Variants in NLGN1 observed in about 807,000 individuals in gnomAD.
The protein encoded by NLGN1 is neuroligin-1.
A neutral mutation model predicts 65.5 loss-of-function variants in NLGN1; 12 were observed. The observed-to-expected ratio is 0.18, with a 90% CI of 0.12 to 0.30. NLGN1 has a LOEUF of 0.30. Ranked by LOEUF, NLGN1 falls within the 10% of genes least tolerant of loss-of-function variation. The pLI is 1.00. For synonymous variants in NLGN1, 350 were observed against 359.5 expected, an observed-to-expected ratio of 0.97 and a Z score of 0.30; for missense variants, 750 against 1,007.1, an observed-to-expected ratio of 0.74 and a Z score of 3.46.
At chr3:174,094,240 A>T (rs1252088957) in intron 4 of NLGN1, among the ~76,000 whole-genome samples, 1 of 152,196 alleles carries the variant, frequency 6.6e-6, no homozygotes, top group Non-Finnish European at 1.5e-5. Flanking sequence ...CCCCCAAAAT[A>T]GCACCGTATA....
At position 174,150,734 on chromosome 3, in the gene NLGN1, A is replaced by T. The variant is rs545243906; in HGVS notation, c.647-124581A>T. Among the ~76,000 whole-genome samples the T allele has an allele frequency of 3.9e-5, 6 of 152,182 alleles. No individual in the cohort carries two copies. The South Asian group carries it at 6.2e-4, about 16-fold the overall frequency. ...GGTAAATATTAGGAAGAAATGATAA[A>T]TCACTACTTCTATTTGGAGCAGGAA... On this transcript the variant is annotated intron_variant, in intron 4 of 6. Coordinates refer to ENST00000457714, the Ensembl canonical transcript of NLGN1.
chr3:173,596,576 G>C (rs1749524134), intron 2 of NLGN1, among the ~76,000 whole-genome samples: 1 of 152,192 alleles, frequency 6.6e-6, no homozygotes, highest in African/African-American at 2.4e-5. Flanking sequence ...AGATGATGCA[G>C]TTAGCTCAAT....
intron 4 of NLGN1, among the ~76,000 whole-genome samples, chr3:174,090,450 G>T (rs576570283): frequency 2.0e-5 from 3 of 152,062 alleles, no homozygotes; most frequent in African/African-American, 7.2e-5. Context: ...TCTAGCCTGG[G>T]GGACAGAGCG....
intron 3 of NLGN1, among the ~76,000 whole-genome samples, chr3:173,696,370 G>A (rs191270488): frequency 6.8e-4 from 104 of 152,178 alleles, no homozygotes; most frequent in African/African-American, 2.4e-3. Flanking sequence ...AAATGGCTAT[G>A]TTTTAGATCC....
At position 174,212,624 on chromosome 3, in the gene NLGN1, T is replaced by C. The variant is rs139691604; in HGVS notation, c.647-62691T>C. On this transcript the variant is annotated intron_variant, in intron 4 of 6. Transcript: ENST00000457714. Reference sequence around the variant, plus strand: ...ACCTAAGGATGCATCTCTCAGAATGTATCCCTGTCATTATCAACATACAGA... The same window carrying C: ...ACCTAAGGATGCATCTCTCAGAATGCATCCCTGTCATTATCAACATACAGA... Among the ~76,000 whole-genome samples, 848 of 152,374 alleles carry C rather than the reference T, an allele frequency of 5.6e-3. 7 individuals carry two copies. The highest frequency in any genetic ancestry group is 0.019 in the African/African-American group (787 of 41,596).
At chr3:173,539,752 A>AGC (rs1560407260) in intron 2 of NLGN1, among the ~76,000 whole-genome samples, 2 of 114,222 alleles carry the variant, frequency 1.8e-5, no homozygotes, top group East Asian at 2.0e-4. Context: ...GTACATATAT[A>AGC]ACATATACAT....
intron 4 of NLGN1, among the ~76,000 whole-genome samples, chr3:174,215,141 C>A (rs962749761): frequency 1.3e-5 from 2 of 151,946 alleles, no homozygotes; most frequent in Non-Finnish European, 2.9e-5. Flanking sequence ...GTTGGGTTAC[C>A]TAAACTTTGA....
intron 4 of NLGN1, among the ~76,000 whole-genome samples, chr3:173,822,454 A>G (rs181790129): frequency 9.7e-4 from 148 of 152,324 alleles, no homozygotes; most frequent in African/African-American, 3.4e-3. Flanking sequence ...TAGGTTGAAC[A>G]TTTCTAATCC....
At chr3:173,618,047 G>C (rs188586903) in intron 3 of NLGN1, among the ~76,000 whole-genome samples, 1 of 152,114 alleles carries the variant, frequency 6.6e-6, no homozygotes, top group South Asian at 2.1e-4. Flanking sequence ...TCTAAGAAGA[G>C]GTCGAATTGT....
intron 2 of NLGN1, among the ~76,000 whole-genome samples, chr3:173,514,899 G>C (rs1733576479): frequency 6.6e-6 from 1 of 152,046 alleles, no homozygotes; most frequent in South Asian, 2.1e-4. Flanking sequence ...AATTTTTTAT[G>C]CATTTATATG....
At chr3:174,234,277 A>C (rs759100301) in intron 4 of NLGN1, among the ~76,000 whole-genome samples, 2 of 152,140 alleles carry the variant, frequency 1.3e-5, no homozygotes, top group African/African-American at 2.4e-5. Context: ...GATCAAGTGC[A>C]CTGTTTGACC....
chr3:174,023,849 G>A (rs1009684737), intron 4 of NLGN1, among the ~76,000 whole-genome samples: 3 of 152,112 alleles, frequency 2.0e-5, no homozygotes, highest in Admixed American at 2.0e-4. Context: ...CAGCAGCTGT[G>A]GATTTTATGT....
intron 4 of NLGN1, among the ~76,000 whole-genome samples, chr3:174,077,877 T>G (rs771796021): frequency 3.9e-5 from 6 of 152,124 alleles, no homozygotes; most frequent in Non-Finnish European, 7.4e-5. Context: ...TTTAATAATT[T>G]CAGCCAAGGA....
At chr3:173,946,301 G>A (rs1267319362) in intron 4 of NLGN1, among the ~76,000 whole-genome samples, 1 of 152,010 alleles carries the variant, frequency 6.6e-6, no homozygotes, top group Admixed American at 6.6e-5. Flanking sequence ...TTTAGATAAT[G>A]ATTTGTGTTT....
intron 4 of NLGN1, among the ~76,000 whole-genome samples, chr3:174,156,569 T>G (rs2152712674): frequency 6.6e-6 from 1 of 151,922 alleles, no homozygotes. Context: ...AGAGTAAGAT[T>G]CCATATTTAG....
rs1252028914 is a variant in NLGN1 at position 174,259,939 on chromosome 3, G to T, written c.647-15376G>T. ...TATGAGTGAGAATATACGGTGTTTG[G>T]TTTTTTGTTCTTGTGATAGTTTACT... On this transcript the variant is annotated intron_variant, in intron 4 of 6. Transcript: ENST00000457714. Among the ~76,000 whole-genome samples, 6 of 150,104 alleles carry T rather than the reference G, an allele frequency of 4.0e-5. No homozygotes were observed. In the East Asian group the frequency reaches 7.9e-4, roughly 20 times the overall value.
At chr3:173,535,819 A>G (rs1426197398) in intron 2 of NLGN1, among the ~76,000 whole-genome samples, 1 of 152,178 alleles carries the variant, frequency 6.6e-6, no homozygotes, top group African/African-American at 2.4e-5. Flanking sequence ...TGGTCATAGT[A>G]TTTTTTGCTT....
At chr3:173,629,085 ATCCTT>A (rs1381874853) in intron 3 of NLGN1, among the ~76,000 whole-genome samples, 1 of 151,316 alleles carries the variant, frequency 6.6e-6, no homozygotes, top group Admixed American at 6.6e-5. Context: ...GATGCTTATC[ATCCTT>A]TCCTTTTTTT....
chr3:173,711,610 G>C (rs1252410805), intron 3 of NLGN1, among the ~76,000 whole-genome samples: 1 of 152,132 alleles, frequency 6.6e-6, no homozygotes, highest in Admixed American at 6.5e-5. Flanking sequence ...TCAGCCAAGG[G>C]GTTAAAAGAA....
Sources: allele counts gnomAD v4.1 joint callset (sites outside exome capture counted in the v4.1 genomes callset), GRCh38; gene constraint gnomAD v4.1.1; transcripts MANE v1.5; gene names NCBI Gene and HGNC (gene_info 2026-07-23, HGNC 2026-07-21).